Variants in EML4 observed in about 807,000 individuals in gnomAD.
EML4 encodes the protein EMAP like 4, also known as echinoderm microtubule-associated protein-like 4.
In EML4, 72 loss-of-function variants were observed where a neutral mutation model predicts 129.0. The observed-to-expected ratio is 0.56, with a 90% CI of 0.46 to 0.68. The LOEUF (loss-of-function observed/expected upper bound fraction) is 0.68. Ranked by LOEUF, EML4 falls within the 30% of genes least tolerant of loss-of-function variation. EML4 has a pLI of 0.00. For missense variants in EML4, 1,363 were observed against 1,190.6 expected (o/e 1.14, Z -2.13); for synonymous variants, 532 against 405.0 (o/e 1.31, Z -3.77).
rs146481208 is a variant in EML4, at chr2:42,192,363, C to T, written c.25+22727C>T. Among the ~76,000 whole-genome samples, 457 of 151,898 alleles carry T rather than the reference C, an allele frequency of 3.0e-3. 2 individuals are homozygous for T. The highest frequency in any genetic ancestry group is 0.011 in the African/African-American group (440 of 41,400). ...CAAGAGATTCTCCCGCCTCAGCCTC[C>T]TGAGTAGGTGGGATTGCAGGCACCC... On this transcript the variant is annotated intron_variant, in intron 1 of 22. Coordinates refer to ENST00000318522, the MANE Select transcript of EML4 (RefSeq NM_019063.5).
At chr2:42,244,685 A>G (rs1237138314) in intron 1 of EML4, among the ~76,000 whole-genome samples, 1 of 152,178 alleles carries the variant, frequency 6.6e-6, no homozygotes. Flanking sequence ...GTGGGAGAGT[A>G]TGATAGTAAA....
intron 1 of EML4, among the ~76,000 whole-genome samples, chr2:42,243,883 C>G (rs139087420): frequency 7.4e-4 from 113 of 152,148 alleles, no homozygotes; most frequent in African/African-American, 2.5e-3. Context: ...GAGAAAAAAA[C>G]AGTACATTCT....
rs147426155 is a variant in EML4 at position 42,244,101 on chromosome 2, G to GTTTTT, written c.26-1392_26-1388dup. ...TTTTTGTTTTTTGTTTTTGTTTTTTGTTTTTTTTTTTTTTTTGAGACGGGG... is the reference window on the plus strand; with the variant it reads ...TTTTTGTTTTTTGTTTTTGTTTTTTGTTTTTTTTTTTTTTTTTTTTTGAGACGGGG... On this transcript the variant is annotated intron_variant, in intron 1 of 22. Transcript: ENST00000318522. 4.2e-4 allele frequency among the ~76,000 whole-genome samples: 34 copies of GTTTTT among 81,366 alleles called. 1 individual carries two copies. Among genetic ancestry groups the GTTTTT allele is most frequent in the South Asian group, 9.6e-4 (3 of 3,120 alleles). 53.4% of individuals were successfully genotyped at this position (81,366 alleles called of 152,430 possible). A position where few individuals can be genotyped will look rare whatever the true frequency, so the allele number is the denominator to read the frequency against.
chr2:42,277,320 A>C (rs1248850586), intron 6 of EML4, among the ~76,000 whole-genome samples: 1 of 152,226 alleles, frequency 6.6e-6, no homozygotes, highest in East Asian at 1.9e-4. Context: ...AAGGAAATAC[A>C]GATCAGGATG....
At chr2:42,175,255 A>G (rs1297929589) in intron 1 of EML4, among the ~76,000 whole-genome samples, 1 of 152,012 alleles carries the variant, frequency 6.6e-6, no homozygotes, top group Non-Finnish European at 1.5e-5. Flanking sequence ...CTGGGACTAC[A>G]GGCACTCACC....
chr2:42,232,887 G>A (rs1674434445), intron 1 of EML4, among the ~76,000 whole-genome samples: 1 of 152,054 alleles, frequency 6.6e-6, no homozygotes, highest in Non-Finnish European at 1.5e-5. Context: ...ACAACGCGCG[G>A]CTAATTTTTT....
chr2:42,324,706 C>T (rs1191138115), intron 19 of EML4, among the ~76,000 whole-genome samples: 2 of 152,228 alleles, frequency 1.3e-5, no homozygotes, highest in South Asian at 2.1e-4. Flanking sequence ...ATTCAAGTCT[C>T]TGTCAGCTTT....
intron 1 of EML4, among the ~76,000 whole-genome samples, chr2:42,219,401 C>G (rs527716924): frequency 2.6e-5 from 4 of 152,136 alleles, no homozygotes; most frequent in Admixed American, 6.5e-5. Context: ...TGTAGGAGTC[C>G]TGTAACCACC....
chr2:42,266,623 C>T (rs935063285), intron 6 of EML4, among the ~76,000 whole-genome samples: 3 of 151,044 alleles, frequency 2.0e-5, no homozygotes, highest in Non-Finnish European at 4.4e-5. Flanking sequence ...GGATTACAGG[C>T]GTGAGCCACC....
chr2:42,281,598 T>C (rs1204062567), intron 7 of EML4, among the ~76,000 whole-genome samples: 1 of 152,174 alleles, frequency 6.6e-6, no homozygotes, highest in Non-Finnish European at 1.5e-5. Flanking sequence ...AACCTTAACT[T>C]TCTTTACTTA....
At chr2:42,208,669 A>G (rs891569673) in intron 1 of EML4, among the ~76,000 whole-genome samples, 1 of 151,708 alleles carries the variant, frequency 6.6e-6, no homozygotes, top group Non-Finnish European at 1.5e-5. Flanking sequence ...TCCTGACCTC[A>G]TGATCCACCC....
At chr2:42,272,140 C>A (rs1380455077) in intron 6 of EML4, among the ~76,000 whole-genome samples, 2 of 150,130 alleles carry the variant, frequency 1.3e-5, no homozygotes, top group African/African-American at 4.9e-5. Flanking sequence ...GTATTTCTTA[C>A]TCTAGTAATT....
chr2:42,325,376 T>G, intron 19 of EML4, 91 bp from the exon 20 acceptor site: 1 of 635,782 alleles, frequency 1.6e-6, no homozygotes, highest in Non-Finnish European at 3.0e-6. Flanking sequence ...TTCCAACAAA[T>G]GTGTATTCAG....
chr2:42,292,744 CAT>C (rs148037178), intron 11 of EML4, among the ~76,000 whole-genome samples: 7 of 151,772 alleles, frequency 4.6e-5, no homozygotes, highest in African/African-American at 9.7e-5. Context: ...AATCTGTGTG[CAT>C]ATATATATGT....
At chr2:42,322,435 CCTTGGTTG>C (rs374537170) in intron 19 of EML4, among the ~76,000 whole-genome samples, 41 of 152,306 alleles carry the variant, frequency 2.7e-4, no homozygotes, top group African/African-American at 5.3e-4. Context: ...TAAATTGAGA[CCTTGGTTG>C]CTTGGTTGCT....
chr2:42,294,311 A>T (rs948186597), intron 11 of EML4, among the ~76,000 whole-genome samples: 26 of 152,266 alleles, frequency 1.7e-4, no homozygotes, highest in Admixed American at 5.2e-4. Flanking sequence ...TTTTGTTTTA[A>T]TTTCTGTAGG....
At chr2:42,305,493 A>G (rs1418485829) in intron 17 of EML4, among the ~76,000 whole-genome samples, 1 of 152,232 alleles carries the variant, frequency 6.6e-6, no homozygotes, top group Non-Finnish European at 1.5e-5. Flanking sequence ...TTGAGCATTT[A>G]TAAGTTGTTT....
In EML4 at chr2:42,191,421, G is replaced by C. The variant is rs187195054; in HGVS notation, c.25+21785G>C. Among the ~76,000 whole-genome samples the C allele has an allele frequency of 1.2e-4, 19 of 152,176 alleles. No individual in the cohort carries two copies. The East Asian group carries it at 3.7e-3, about 29-fold the overall frequency. On this transcript the variant is annotated intron_variant, in intron 1 of 22. Coordinates refer to ENST00000318522, the MANE Select transcript of EML4 (RefSeq NM_019063.5). Reference sequence around the variant, plus strand: ...TCAACACTAGTTTGAGAAATTCTAAGGCAGGACTTTGGTCCTGTTACATCA... The same window carrying C: ...TCAACACTAGTTTGAGAAATTCTAACGCAGGACTTTGGTCCTGTTACATCA...
chr2:42,220,966 T>C (rs530086520), intron 1 of EML4, among the ~76,000 whole-genome samples: 1 of 152,288 alleles, frequency 6.6e-6, no homozygotes, highest in Admixed American at 6.5e-5. Context: ...GTGAGGAAGC[T>C]GCAGAAGTTT....
Sources: allele counts gnomAD v4.1 joint callset (sites outside exome capture counted in the v4.1 genomes callset), GRCh38; gene constraint gnomAD v4.1.1; transcripts MANE v1.5; gene names NCBI Gene and HGNC (gene_info 2026-07-23, HGNC 2026-07-21).